The following SLC44A1 variants were observed in gnomAD, a reference collection of about 807,000 sequenced individuals.
The protein encoded by SLC44A1 is choline transporter-like protein 1.
SLC44A1 carries 26 observed loss-of-function variants against 79.3 expected under a neutral mutation model. The ratio of observed to expected loss-of-function variants is 0.33; its 90% CI spans 0.24 to 0.46. The LOEUF (loss-of-function observed/expected upper bound fraction) is 0.46. SLC44A1 is among the 20% of genes least tolerant of loss of function. SLC44A1 has a pLI of 1.00. For missense variants in SLC44A1, 688 were observed against 798.1 expected (o/e 0.86, Z 1.66); for synonymous variants, 263 against 286.2 (o/e 0.92, Z 0.82).
At chr9:105,420,863 A>G (rs7023850) in intron 15 of SLC44A1, among the ~76,000 whole-genome samples, 5,609 of 136,802 alleles carry the variant, frequency 0.041, 166 homozygotes, top group African/African-American at 0.16. Context: ...CTCCATCTCA[A>G]AAAAAAAAAA....
intron 4 of SLC44A1, among the ~76,000 whole-genome samples, chr9:105,343,009 G>T (rs957194558): frequency 1.3e-5 from 2 of 150,802 alleles, no homozygotes; most frequent in African/African-American, 2.4e-5. Flanking sequence ...TAAATAAATA[G>T]AAATGAACAT....
intron 13 of SLC44A1, among the ~76,000 whole-genome samples, chr9:105,375,697 A>T (rs1289223419): frequency 6.6e-6 from 1 of 152,182 alleles, no homozygotes. Flanking sequence ...AACGAGACTT[A>T]TACTTTCCTT....
intron 12 of SLC44A1, among the ~76,000 whole-genome samples, chr9:105,367,602 C>T (rs889258804): frequency 3.9e-5 from 6 of 152,146 alleles, no homozygotes; most frequent in Admixed American, 1.3e-4. Context: ...AGCTTATCCT[C>T]GGAGAGATGT....
At position 105,302,165 on chromosome 9, in the gene SLC44A1, C is replaced by G. The variant is rs188532258; in HGVS notation, c.126+2856C>G. Among the ~76,000 whole-genome samples, 16 of 152,214 alleles carry G rather than the reference C, an allele frequency of 1.1e-4. No individual in the cohort carries two copies. In the East Asian group the frequency reaches 3.1e-3, roughly 29 times the overall value. On this transcript the variant is annotated intron_variant, in intron 2 of 15. Transcript: ENST00000374720. ...TGTCAGCCTTCTTAAGTTCTATCTT[C>G]TACATTTGAACTTTCATCACTATTT...
intron 1 of SLC44A1, among the ~76,000 whole-genome samples, chr9:105,247,319 G>T (rs1468560246): frequency 2.0e-5 from 3 of 152,080 alleles, no homozygotes; most frequent in East Asian, 1.9e-4. Context: ...CTTCAGACGG[G>T]GTTTCGCTTT....
chr9:105,302,418 T>C (rs1830903980), intron 2 of SLC44A1, among the ~76,000 whole-genome samples: 1 of 151,888 alleles, frequency 6.6e-6, no homozygotes, highest in Admixed American at 6.6e-5. Flanking sequence ...CAGGGTGCGA[T>C]CTTGGCTCAC....
At chr9:105,326,835 G>C (rs1391108923) in intron 3 of SLC44A1, among the ~76,000 whole-genome samples, 1 of 152,192 alleles carries the variant, frequency 6.6e-6, no homozygotes, top group Non-Finnish European at 1.5e-5. Flanking sequence ...CGCCTGTCCA[G>C]ATTTCTCTGC....
chr9:105,369,337 G>GT (rs1828032643), intron 12 of SLC44A1, among the ~76,000 whole-genome samples: 1 of 152,198 alleles, frequency 6.6e-6, no homozygotes, highest in Non-Finnish European at 1.5e-5. Flanking sequence ...GTGCGGGCCT[G>GT]TTTCCTGGTT....
intron 3 of SLC44A1, among the ~76,000 whole-genome samples, chr9:105,329,734 G>C (rs1475770793): frequency 6.6e-6 from 1 of 152,102 alleles, no homozygotes; most frequent in East Asian, 1.9e-4. Flanking sequence ...GACTTTATCA[G>C]ATTATTTGCA....
chr9:105,348,413 A>C lies in SLC44A1; in HGVS notation c.462A>C (p.Lys154Asn). The C allele has an allele frequency of 6.2e-7, 1 of 1,612,254 alleles. No homozygotes were observed. Among genetic ancestry groups the C allele is most frequent in the Non-Finnish European group, 8.5e-7 (1 of 1,178,510 alleles). ...CTTCTGAATACACTACATCTCCAAA[A>C]TCTTCTGTTCTCTGCCCCAAACTAC... ...LKPSEYTTSPKSSVLCPKLPV... is the reference protein window; with the variant it reads ...LKPSEYTTSPNSSVLCPKLPV... The change falls in exon 5 of 16, where the codon AAA becomes AAC. Residue 154 changes from lysine (K) to asparagine (N), a missense_variant. Transcript: ENST00000374720.
chr9:105,294,977 G>A (rs1025839612), intron 1 of SLC44A1, among the ~76,000 whole-genome samples: 13 of 149,192 alleles, frequency 8.7e-5, no homozygotes, highest in Non-Finnish European at 1.8e-4. Context: ...CCTGTGTTTA[G>A]TACACTGGTG....
chr9:105,305,272 A>T (rs567244947), intron 2 of SLC44A1, among the ~76,000 whole-genome samples: 119 of 151,764 alleles, frequency 7.8e-4, no homozygotes, highest in African/African-American at 2.6e-3. Context: ...TCCTGGCCTC[A>T]TTCTTTTTTT....
chr9:105,352,359 G>T (rs974469042), intron 5 of SLC44A1, among the ~76,000 whole-genome samples: 3 of 152,114 alleles, frequency 2.0e-5, no homozygotes, highest in African/African-American at 7.2e-5. Flanking sequence ...TGGGCAAGTG[G>T]TATTAGGCAC....
At chr9:105,266,390 A>G (rs1032104012) in intron 1 of SLC44A1, among the ~76,000 whole-genome samples, 2 of 152,234 alleles carry the variant, frequency 1.3e-5, no homozygotes, top group Admixed American at 6.5e-5. Flanking sequence ...GCCTAGTTCA[A>G]GGTCACAAAT....
At chr9:105,371,403 C>A (rs1186948190) in intron 12 of SLC44A1, among the ~76,000 whole-genome samples, 1 of 152,294 alleles carries the variant, frequency 6.6e-6, no homozygotes, top group East Asian at 1.9e-4. Flanking sequence ...ACAATGAGCA[C>A]AGTTATGTGC....
intron 1 of SLC44A1, among the ~76,000 whole-genome samples, chr9:105,262,766 G>A (rs1462284628): frequency 1.3e-5 from 2 of 152,268 alleles, no homozygotes; most frequent in Middle Eastern, 3.4e-3. Context: ...GGACACCCAA[G>A]TATTCAATTT....
chr9:105,301,438 G>A (rs1481391374), intron 2 of SLC44A1, among the ~76,000 whole-genome samples: 1 of 152,154 alleles, frequency 6.6e-6, no homozygotes, highest in Non-Finnish European at 1.5e-5. Context: ...TACCTTCATG[G>A]AATTGAGCTA....
In SLC44A1 at chr9:105,392,401, CTCTT is replaced by C. The variant is rs1203113867; in HGVS notation, c.*3347_*3350del. 6 of 319,080 alleles carry C rather than the reference CTCTT, an allele frequency of 1.9e-5. No individual in the cohort carries two copies. Among genetic ancestry groups the C allele is most frequent in the African/African-American group, 1.4e-4 (4 of 28,336 alleles). 19.8% of individuals were successfully genotyped at this position (319,080 alleles called of 1,614,324 possible). A position where few individuals can be genotyped will look rare whatever the true frequency, so the allele number is the denominator to read the frequency against. On this transcript the variant is annotated 3_prime_UTR_variant, in exon 16 of 16. Coordinates refer to ENST00000374720, the MANE Select transcript of SLC44A1 (RefSeq NM_080546.5). ...TTGTAGAGATGCTCTCTCTCTCTCTCTCTTTTTTTTTTTTTTTTTTTTTTTTTTT... is the reference window on the plus strand; with the variant it reads ...TTGTAGAGATGCTCTCTCTCTCTCTCTTTTTTTTTTTTTTTTTTTTTTTTT...
exon 16 of SLC44A1, chr9:105,438,432 C>G: frequency 1.5e-6 from 1 of 689,540 alleles, no homozygotes; most frequent in Non-Finnish European, 2.5e-6. Context: ...ACAAGTTTCT[C>G]AAACCACCAA....
Sources: gnomAD v4.1 joint callset for allele counts (sites outside exome capture counted in the v4.1 genomes callset) on GRCh38, gnomAD v4.1.1 for gene constraint, MANE v1.5 for transcripts, NCBI Gene and HGNC (gene_info 2026-07-23, HGNC 2026-07-21) for gene names.